Variants in NDUFAF7 observed in about 807,000 individuals in gnomAD.
NDUFAF7 encodes the protein NADH:ubiquinone oxidoreductase complex assembly factor 7.
NDUFAF7 carries 48 observed loss-of-function variants against 47.2 expected under a neutral mutation model. The ratio of observed to expected loss-of-function variants is 1.02; its 90% confidence interval spans 0.81 to 1.29. The LOEUF (loss-of-function observed/expected upper bound fraction) is 1.29, where lower values mean the gene tolerates loss of function less well. Ranked by LOEUF, NDUFAF7 falls within the 50% of genes most tolerant of loss-of-function variation. NDUFAF7 has a pLI of 0.00. For synonymous variants in NDUFAF7, 217 were observed against 190.0 expected, an observed-to-expected ratio of 1.14 and a Z score of -1.17; for missense variants, 635 against 537.6, an observed-to-expected ratio of 1.18 and a Z score of -1.79.
chr2:37,253,417 TTG>T (rs1558517663), downstream of NDUFAF7: 8 of 1,422,568 alleles, frequency 5.6e-6, no homozygotes, highest in Admixed American at 1.3e-4. Context: ...GGTTTTTGTT[TTG>T]TGTTTTTTTT....
At chr2:37,257,671 GAA>G (rs1164110574), downstream of NDUFAF7, among the ~76,000 whole-genome samples, 4 of 28,540 alleles carry the variant, frequency 1.4e-4, no homozygotes, top group African/African-American at 6.0e-4. Context: ...TGTCTCAAAA[GAA>G]AAAAAAAAAA....
downstream of NDUFAF7, chr2:37,253,339 A>C: frequency 6.2e-7 from 1 of 1,610,664 alleles, no homozygotes. Flanking sequence ...GGTCAAGCCA[A>C]GTCTGATAGT....
chr2:37,247,287 C>T (rs989319926), intron 8 of NDUFAF7, 169 bp from the exon 9 acceptor site: 11 of 727,624 alleles, frequency 1.5e-5, no homozygotes, highest in Non-Finnish European at 2.1e-5. Flanking sequence ...ATGGTTGATG[C>T]ATATACTTTG....
intron 4 of NDUFAF7, among the ~76,000 whole-genome samples, chr2:37,240,894 A>T (rs1211358129): frequency 6.6e-6 from 1 of 152,222 alleles, no homozygotes; most frequent in Non-Finnish European, 1.5e-5. Context: ...TGGAAAAATC[A>T]TCTTGTTCAT....
the NDUFAF7 span, among the ~76,000 whole-genome samples, chr2:37,263,051 T>A: frequency 1.3e-5 from 2 of 152,144 alleles, no homozygotes; most frequent in Non-Finnish European, 1.5e-5. Context: ...TTAATTTTCA[T>A]TTTTGATCTG....
chr2:37,261,304 C>T, the NDUFAF7 span, among the ~76,000 whole-genome samples: 2 of 150,618 alleles, frequency 1.3e-5, no homozygotes, highest in Non-Finnish European at 3.0e-5. Flanking sequence ...GTAGCAAACA[C>T]GGTGAAATCC....
intron 5 of NDUFAF7, 48 bp from the exon 6 acceptor site, chr2:37,242,587 A>C (rs775803951): frequency 2.1e-6 from 3 of 1,436,258 alleles, no homozygotes; most frequent in Non-Finnish European, 2.9e-6. Context: ...AAAAGAATTA[A>C]TTCCTGTGAA....
At chr2:37,247,164 A>G (rs1235253227) in intron 8 of NDUFAF7, 1 of 416,648 alleles carries the variant, frequency 2.4e-6, no homozygotes, top group Non-Finnish European at 4.6e-6. Context: ...CCCTGCATTA[A>G]TTCACTTAGG....
At chr2:37,233,018 C>A (rs1412696266) in intron 2 of NDUFAF7, among the ~76,000 whole-genome samples, 1 of 152,106 alleles carries the variant, frequency 6.6e-6, no homozygotes, top group Non-Finnish European at 1.5e-5. Flanking sequence ...ATCTTTCTTT[C>A]GATGCCGGTT....
chr2:37,245,607 G>A (rs1666819354), intron 7 of NDUFAF7, among the ~76,000 whole-genome samples: 1 of 152,164 alleles, frequency 6.6e-6, no homozygotes, highest in East Asian at 1.9e-4. Context: ...TCTGCTTCGT[G>A]TTATTGGATT....
At chr2:37,269,565 CCA>C in the NDUFAF7 span, 63 of 1,488,912 alleles carry the variant, frequency 4.2e-5, no homozygotes, top group South Asian at 7.1e-4. Context: ...TTTACATTTT[CCA>C]GTTTTTAAAA....
At chr2:37,269,677 G>C in the NDUFAF7 span, 1 of 1,609,616 alleles carries the variant, frequency 6.2e-7, no homozygotes, top group African/African-American at 1.3e-5. Flanking sequence ...CTGGTAAACA[G>C]TACTGATATC....
chr2:37,249,643 GACACACACACAC>G (rs56208997), downstream of NDUFAF7, among the ~76,000 whole-genome samples: 48 of 132,610 alleles, frequency 3.6e-4, no homozygotes, highest in Non-Finnish European at 5.5e-4. Context: ...CTGTGATAGA[GACACACACACAC>G]ACACACACAC....
In NDUFAF7 at chr2:37,246,165, T is replaced by C; in HGVS notation, c.906T>C (p.Gly302=). 10 of 1,613,896 alleles carry C rather than the reference T, an allele frequency of 6.2e-6. No individual in the cohort carries two copies. The highest frequency in any genetic ancestry group is 8.5e-6 in the Non-Finnish European group (10 of 1,179,842). The stretch of plus-strand genomic sequence containing the variant: ...GTGCTGCACTGGTTGCTGATTATGG[T>C]CATGATGGAACAAAGACAGATACCT... The part of the protein sequence containing the change: ...TGGAALVADY[G]HDGTKTDTFR... Residue 302 remains glycine, a synonymous_variant, in exon 8 of 10, where the codon GGT becomes GGC. Coordinates refer to ENST00000002125, the MANE Select transcript of NDUFAF7 (RefSeq NM_144736.5).
chr2:37,267,384 C>G, the NDUFAF7 span: 1 of 1,206,552 alleles, frequency 8.3e-7, no homozygotes, highest in Non-Finnish European at 1.2e-6. Flanking sequence ...AATTCAGATT[C>G]TTACCAGCCT....
At chr2:37,244,569 T>C (rs541451412) in intron 7 of NDUFAF7, among the ~76,000 whole-genome samples, 16 of 141,460 alleles carry the variant, frequency 1.1e-4, no homozygotes, top group African/African-American at 3.8e-4. Flanking sequence ...TGTTTAAAGG[T>C]ACAAAAAAAT....
the NDUFAF7 span, chr2:37,260,461 G>T: frequency 7.7e-7 from 1 of 1,303,700 alleles, no homozygotes; most frequent in Non-Finnish European, 1.1e-6. Context: ...TGCTATGATT[G>T]TCTGAAATGG....
the NDUFAF7 span, among the ~76,000 whole-genome samples, chr2:37,270,356 A>AAG: frequency 4.9e-3 from 749 of 151,438 alleles, 5 homozygotes; most frequent in African/African-American, 0.017. Flanking sequence ...TTTTGGAAAA[A>AAG]AAAAAAAAAA....
intron 4 of NDUFAF7, among the ~76,000 whole-genome samples, chr2:37,238,200 G>C (rs1665991000): frequency 6.6e-6 from 1 of 152,154 alleles, no homozygotes; most frequent in African/African-American, 2.4e-5. Flanking sequence ...GAGAGGCCAA[G>C]GTGGGCAGAT....
Sources: allele counts gnomAD v4.1 joint callset (sites outside exome capture counted in the v4.1 genomes callset), GRCh38; gene constraint gnomAD v4.1.1; transcripts MANE v1.5; gene names NCBI Gene and HGNC (gene_info 2026-07-23, HGNC 2026-07-21).